Variants in DDX18 observed in about 807,000 individuals in gnomAD.
The protein encoded by DDX18 is DEAD-box helicase 18, also known as ATP-dependent RNA helicase DDX18.
DDX18 carries 23 observed loss-of-function variants against 73.5 expected under a neutral mutation model. The observed-to-expected ratio is 0.31, with a 90% CI of 0.23 to 0.44. The LOEUF (loss-of-function observed/expected upper bound fraction) is 0.44. Ranked by LOEUF, DDX18 falls within the 20% of genes least tolerant of loss-of-function variation. The pLI, the probability that DDX18 is intolerant of heterozygous loss-of-function variation, is 1.00. For missense variants in DDX18, 753 were observed against 792.9 expected, an observed-to-expected ratio of 0.95 and a Z score of 0.60; for synonymous variants, 268 against 282.7, an observed-to-expected ratio of 0.95 and a Z score of 0.52.
chr2:117,828,195 G>GT (rs1358787941), intron 11 of DDX18: 1 of 152,098 alleles, frequency 6.6e-6, no homozygotes, highest in East Asian at 1.9e-4. Flanking sequence ...TTGTAAATTT[G>GT]TTTAAGTTCT....
rs1679927287 is a variant in DDX18 at position 117,826,294 on chromosome 2, C to T, written c.1547C>T (p.Thr516Ile). Residue 516 changes from threonine (T) to isoleucine (I), a missense_variant, in exon 11 of 14, where the codon ACA becomes ATA. Thr to Ile is a moderately conservative substitution (Grantham distance 89, BLOSUM62 -1). Transcript: ENST00000263239. ...PKEYIHRVGR[T>I]ARGLNGRGHA... ...GAATATATTCATCGTGTGGGTAGAA[C>T]AGCCAGAGGCCTAAATGGGAGAGGG... is the stretch of plus-strand genomic sequence containing the variant. The T allele has an allele frequency of 1.9e-6, 3 of 1,613,964 alleles. No homozygotes were observed.
rs138591982 is a variant in DDX18 at position 117,817,764 on chromosome 2, G to GT, written c.370+41dup. On this transcript the variant is annotated intron_variant, in intron 2 of 13. Transcript: ENST00000263239. ...ATTATCTTTGAACTTCAGCCATTTA[G>GT]TTTTTCACAGACGGTTATTGTTCCT... The GT allele has an allele frequency of 2.2e-3, 3,493 of 1,558,852 alleles. 71 individuals are homozygous for GT. The African/African-American group carries it at 0.042, about 19-fold the overall frequency.
rs746954894 is a variant in DDX18, at chr2:117,814,765, C to G, written c.-13C>G. Reference sequence around the variant, plus strand: ...ACTGTGTGGCGCCTTATTCTAGGCACTTGTTGGGCAGAATGTCACACCTGC... The same window carrying G: ...ACTGTGTGGCGCCTTATTCTAGGCAGTTGTTGGGCAGAATGTCACACCTGC... On this transcript the variant is annotated 5_prime_UTR_variant, in exon 1 of 14. Transcript: ENST00000263239. 3 of 1,614,012 alleles carry G rather than the reference C, an allele frequency of 1.9e-6. No individual in the cohort carries two copies. The highest frequency in any genetic ancestry group is 2.5e-6 in the Non-Finnish European group (3 of 1,180,000).
Position 117,825,582 on chromosome 2 carries a change from C to A in DDX18, c.1504C>A (p.Pro502Thr), listed in dbSNP as rs1380008523. 1 of 1,613,976 alleles carries A rather than the reference C, an allele frequency of 6.2e-7. No individual in the cohort carries two copies. Among genetic ancestry groups the A allele is most frequent in the Non-Finnish European group, 8.5e-7 (1 of 1,179,936 alleles). Residue 502 changes from proline to threonine, a missense_variant, in exon 10 of 14, where the codon CCT becomes ACT. Pro to Thr is a conservative substitution (Grantham distance 38). Transcript: ENST00000263239. ...AGTCGACTGGATTGTTCAGTATGACCCTCCGGATGACCCTAAGGTAACTGG... is the reference window on the plus strand; with the variant it reads ...AGTCGACTGGATTGTTCAGTATGACACTCCGGATGACCCTAAGGTAACTGG... ...PEVDWIVQYD[P>T]PDDPKEYIHR...
intron 11 of DDX18, 96 bp from the exon 12 acceptor site, chr2:117,828,853 A>G (rs1679975326): frequency 2.4e-6 from 2 of 844,090 alleles, no homozygotes; most frequent in Non-Finnish European, 3.9e-6. Flanking sequence ...GTCCTGAGGG[A>G]ATTTCATAGG....
Position 117,819,772 on chromosome 2 carries a change from G to T in DDX18, c.494G>T (p.Ser165Ile). Residue 165 changes from serine to isoleucine, a missense_variant, in exon 3 of 14, where the codon AGT becomes ATT. Coordinates refer to ENST00000263239, the MANE Select transcript of DDX18 (RefSeq NM_006773.4). ...GATGAAGATGAGAGTGAGGTGCCCAGTCTGCCCCTGGGACTGACAGGTAAC... is the reference window on the plus strand; with the variant it reads ...GATGAAGATGAGAGTGAGGTGCCCATTCTGCCCCTGGGACTGACAGGTAAC... ...DNDEDESEVP[S>I]LPLGLTGAFE... is the part of the protein sequence containing the mutation. 1.3e-6 allele frequency: 2 copies of T among 1,593,964 alleles called. No individual in the cohort carries two copies. Among genetic ancestry groups the T allele is most frequent in the Non-Finnish European group, 1.7e-6 (2 of 1,173,718 alleles).
Position 117,824,722 on chromosome 2 carries a change from A to G in DDX18, c.1206+14A>G, listed in dbSNP as rs368999948. On this transcript the variant is annotated intron_variant, in intron 8 of 13. Transcript: ENST00000263239. Reference sequence around the variant, plus strand: ...GGTCTTGAACAGGTACTTTTTATCAATAACTGAAAACTGTAGGGATCTTAC... The same window carrying G: ...GGTCTTGAACAGGTACTTTTTATCAGTAACTGAAAACTGTAGGGATCTTAC... The G allele has an allele frequency of 6.0e-5, 88 of 1,464,516 alleles. No homozygotes were observed. The highest frequency in any genetic ancestry group is 7.8e-5 in the Non-Finnish European group (86 of 1,108,382). The allele number at this position is 1,464,516 out of a possible 1,614,324, so 90.7% of individuals were successfully genotyped here. A position where few individuals can be genotyped will look rare whatever the true frequency, so the allele number is the denominator to read the frequency against.
At chr2:117,822,414 G>A (rs1046219774) in intron 7 of DDX18, 153 bp downstream of exon 7, 9 of 603,584 alleles carry the variant, frequency 1.5e-5, no homozygotes, top group Admixed American at 8.6e-5. Flanking sequence ...TGGAATACAA[G>A]CATCAAATGT....
At chr2:117,819,929 T>C in intron 3 of DDX18, 137 bp downstream of exon 3, 1 of 750,126 alleles carries the variant, frequency 1.3e-6, no homozygotes, top group African/African-American at 1.8e-5. Context: ...TTTTTATATC[T>C]TTCTGCTGCT....
At chr2:117,825,310 C>T in intron 9 of DDX18, 137 bp from the exon 10 acceptor site, 4 of 1,243,522 alleles carry the variant, frequency 3.2e-6, no homozygotes, top group South Asian at 1.4e-5. Flanking sequence ...CCTTGAGGGG[C>T]TTGCGGAACA....
chr2:117,828,973 T>C lies in DDX18; in HGVS notation c.1660T>C (p.Ser554Pro), dbSNP rs764560095. 2.5e-6 allele frequency: 4 copies of C among 1,612,732 alleles called. No individual in the cohort carries two copies. The South Asian group carries it at 4.4e-5, about 18-fold the overall frequency. Residue 554 changes from serine to proline, a missense_variant, in exon 12 of 14, where the codon TCC becomes CCC. Transcript: ENST00000263239. ...GGTTCCATTAAGTGAATTTGACTTT[T>C]CCTGGTCTAAAATTTCTGACATTCA... ...SKVPLSEFDF[S>P]WSKISDIQSQ...
rs529664023 is a variant in DDX18, at chr2:117,816,964, C to T, written c.86-480C>T. Among the ~76,000 whole-genome samples, 3 of 152,262 alleles carry T rather than the reference C, an allele frequency of 2.0e-5. No individual in the cohort carries two copies. The South Asian group carries it at 6.2e-4, about 32-fold the overall frequency. On this transcript the variant is annotated intron_variant, in intron 1 of 13. Coordinates refer to ENST00000263239, the MANE Select transcript of DDX18 (RefSeq NM_006773.4). ...ATAAATATTGGAGCAAATAAGTGGT[C>T]TTATCAACTGAATTTTCAACTCACT...
chr2:117,829,421 G>A lies in DDX18; in HGVS notation c.1825G>A (p.Val609Ile), dbSNP rs1049730734. The change falls in exon 13 of 14, where the codon GTT becomes ATT. Residue 609 changes from valine (V) to isoleucine (I), a missense_variant. By Grantham distance (29) the Val-to-Ile change is conservative (BLOSUM62 3). This residue lies in a region of DDX18 where 402 missense variants were observed against 419.4 expected (regional missense o/e 0.96). Coordinates refer to ENST00000263239, the MANE Select transcript of DDX18 (RefSeq NM_006773.4). ...TGTTAATAACCTAAATTTGCCTCAG[G>A]TTGCTCTGTCATTTGGTTTCAAGGT... ...FNVNNLNLPQ[V>I]ALSFGFKVPP... The A allele has an allele frequency of 1.7e-5, 27 of 1,613,272 alleles. No homozygotes were observed. The highest frequency in any genetic ancestry group is 2.3e-5 in the Non-Finnish European group (27 of 1,179,858).
chr2:117,829,379 C>T lies in DDX18; in HGVS notation c.1783C>T (p.Leu595=). The T allele has an allele frequency of 6.2e-7, 1 of 1,614,158 alleles. No homozygotes were observed. Among genetic ancestry groups the T allele is most frequent in the Non-Finnish European group, 8.5e-7 (1 of 1,180,006 alleles). Residue 595 remains leucine (L), a synonymous_variant, in exon 13 of 14, where the codon CTG becomes TTG. Transcript: ENST00000263239. ...SYIRAYDSHS[L]KQIFNVNNLN... ...CATACGAGCCTATGATTCCCATTCT[C>T]TGAAACAGATCTTTAATGTTAATAA...
rs528106346 is a variant in DDX18 at position 117,819,756 on chromosome 2, G to A, written c.478G>A (p.Glu160Lys). ...GGAGAAGCCAGATAATGATGAAGAT[G>A]AGAGTGAGGTGCCCAGTCTGCCCCT... ...NVEKPDNDED[E>K]SEVPSLPLGL... The change falls in exon 3 of 14, where the codon GAG (glutamate) becomes AAG (lysine). Residue 160 changes from glutamate (E) to lysine (K), a missense_variant. Glu to Lys is a moderately conservative substitution (Grantham distance 56). This residue lies in a region of DDX18 where 345 missense variants were observed against 352.0 expected (regional missense o/e 0.98). Coordinates refer to ENST00000263239, the MANE Select transcript of DDX18 (RefSeq NM_006773.4). 74 of 1,606,288 alleles carry A rather than the reference G, an allele frequency of 4.6e-5. No homozygotes were observed. Among genetic ancestry groups the A allele is most frequent in the Non-Finnish European group, 5.7e-5 (67 of 1,177,424 alleles).
chr2:117,819,363 T>C (rs919927178), intron 2 of DDX18, among the ~76,000 whole-genome samples: 11 of 152,206 alleles, frequency 7.2e-5, no homozygotes, highest in African/African-American at 2.7e-4. Context: ...TAATCAGGTA[T>C]GCTTCCTTTC....
chr2:117,819,574 C>CTTTTTGGAA, intron 2 of DDX18, 75 bp from the exon 3 acceptor site: 2 of 1,270,786 alleles, frequency 1.6e-6, no homozygotes, highest in African/African-American at 3.1e-5. Context: ...TATCAGAGAT[C>CTTTTTGGAA]TTCTGTTTGT....
At chr2:117,828,402 C>G (rs1342366339) in intron 11 of DDX18, 1 of 152,160 alleles carries the variant, frequency 6.6e-6, no homozygotes, top group African/African-American at 2.4e-5. Context: ...TATCTTTCTC[C>G]CCCTCAAGAC....
At chr2:117,824,525 AT>A (rs1679892869) in intron 7 of DDX18, 43 bp from the exon 8 acceptor site, 1 of 1,335,666 alleles carries the variant, frequency 7.5e-7, no homozygotes, top group African/African-American at 1.5e-5. Flanking sequence ...AATTGTAAAG[AT>A]TCCCTAAAAG....
Sources: gnomAD v4.1 joint callset for allele counts (sites outside exome capture counted in the v4.1 genomes callset) on GRCh38, gnomAD v4.1.1 for gene constraint, gnomAD v4.1.1 regional missense constraint, MANE v1.5 for transcripts, NCBI Gene and HGNC (gene_info 2026-07-23, HGNC 2026-07-21) for gene names.